PTPRD: variants seen among roughly 807,000 people sequenced by gnomAD.
PTPRD encodes the protein receptor-type tyrosine-protein phosphatase delta.
Under a neutral mutation model 214.5 loss-of-function variants are expected in PTPRD, and 34 were observed. The ratio of observed to expected loss-of-function variants is 0.16; its 90% CI spans 0.12 to 0.21. PTPRD has a LOEUF of 0.21. Among genes scored for constraint, PTPRD ranks in the 10% least tolerant of loss-of-function variants. The pLI is 1.00. For synonymous variants in PTPRD, 1,128 were observed against 845.7 expected, an observed-to-expected ratio of 1.33 and a Z score of -5.79; for missense variants, 2,545 against 2,398.7, an observed-to-expected ratio of 1.06 and a Z score of -1.27.
intron 11 of PTPRD, among the ~76,000 whole-genome samples, chr9:8,745,031 T>A (rs2092632259): frequency 1.3e-5 from 2 of 152,196 alleles, no homozygotes; most frequent in African/African-American, 4.8e-5. Context: ...TCTCTCACTC[T>A]GTACATATAT....
intron 7 of PTPRD, among the ~76,000 whole-genome samples, chr9:9,689,239 T>A (rs2097219637): frequency 6.6e-6 from 1 of 151,888 alleles, no homozygotes; most frequent in Non-Finnish European, 1.5e-5. Flanking sequence ...AGTAAAATAA[T>A]TCCACATAAG....
intron 3 of PTPRD, among the ~76,000 whole-genome samples, chr9:10,040,429 T>G (rs1291001184): frequency 6.6e-6 from 1 of 152,028 alleles, no homozygotes; most frequent in African/African-American, 2.4e-5. Flanking sequence ...GAATTCCAAT[T>G]ATACAGGCAG....
chr9:9,195,087 T>TAC (rs2099937603), intron 9 of PTPRD, among the ~76,000 whole-genome samples: 4 of 48,634 alleles, frequency 8.2e-5, no homozygotes, highest in African/African-American at 1.9e-4. Context: ...TGTGTTTGTG[T>TAC]ATATATATAT....
In PTPRD at chr9:8,449,706, G is replaced by A; in HGVS notation, c.3988+19C>T. ...TCTGGGAAAGACTGTGTGTGGATTAGATGTGTGATGCTTCTTACCCGGTGT... is the reference window on the plus strand; with the variant it reads ...TCTGGGAAAGACTGTGTGTGGATTAAATGTGTGATGCTTCTTACCCGGTGT... On this transcript the variant is annotated intron_variant, in intron 34 of 45. Transcript: ENST00000381196. The A allele has an allele frequency of 1.9e-6, 3 of 1,604,410 alleles. No homozygotes were observed. The highest frequency in any genetic ancestry group is 2.6e-6 in the Non-Finnish European group (3 of 1,171,298).
intron 2 of PTPRD, among the ~76,000 whole-genome samples, chr9:10,572,668 A>C (rs556468526): frequency 6.6e-6 from 1 of 152,310 alleles, no homozygotes; most frequent in East Asian, 1.9e-4. Context: ...AATAAGAAAT[A>C]AATCTTAGGA....
chr9:8,385,873 T>C (rs1481975839), intron 37 of PTPRD, among the ~76,000 whole-genome samples: 1 of 152,120 alleles, frequency 6.6e-6, no homozygotes, highest in Non-Finnish European at 1.5e-5. Flanking sequence ...AATGCATGGG[T>C]GTGCCACACT....
intron 3 of PTPRD, among the ~76,000 whole-genome samples, chr9:10,195,210 G>T (rs1359807558): frequency 6.6e-6 from 1 of 151,012 alleles, no homozygotes; most frequent in Non-Finnish European, 1.5e-5. Context: ...AATAAAAACG[G>T]AAGGGAATAT....
chr9:10,508,544 C>T (rs1442296038), intron 2 of PTPRD, among the ~76,000 whole-genome samples: 2 of 152,132 alleles, frequency 1.3e-5, no homozygotes, highest in African/African-American at 4.8e-5. Context: ...TTGGAACCAA[C>T]CCAAATGGCC....
chr9:9,209,424 T>C (rs2099947103), intron 9 of PTPRD, among the ~76,000 whole-genome samples: 1 of 152,202 alleles, frequency 6.6e-6, no homozygotes, highest in South Asian at 2.1e-4. Flanking sequence ...ACAAGTAATG[T>C]GTTAAAGACA....
chr9:9,465,676 G>C (rs752383859), intron 8 of PTPRD, among the ~76,000 whole-genome samples: 3 of 152,042 alleles, frequency 2.0e-5, no homozygotes, highest in Non-Finnish European at 4.4e-5. Context: ...AACCCAATGC[G>C]TTCTGGATCT....
At chr9:8,892,827 A>G (rs1228729344) in intron 11 of PTPRD, among the ~76,000 whole-genome samples, 2 of 151,918 alleles carry the variant, frequency 1.3e-5, no homozygotes, top group African/African-American at 4.8e-5. Flanking sequence ...CAAGTAGTGG[A>G]CATGCAAAGG....
Position 9,715,900 on chromosome 9 carries a change from T to C in PTPRD, c.-287+18633A>G, listed in dbSNP as rs565385370. On this transcript the variant is annotated intron_variant, in intron 7 of 45. Coordinates refer to ENST00000381196, the MANE Select transcript of PTPRD (RefSeq NM_002839.4). ...TAAGTTTTAGGGTACATGTGCACAA[T>C]GTGCAGGTTAGTTACGTATGTATAC... Among the ~76,000 whole-genome samples the C allele has an allele frequency of 2.0e-5, 3 of 152,286 alleles. No individual in the cohort carries two copies. The South Asian group carries it at 6.2e-4, about 32-fold the overall frequency.
chr9:10,402,430 A>G (rs2098284173), intron 2 of PTPRD, among the ~76,000 whole-genome samples: 1 of 151,784 alleles, frequency 6.6e-6, no homozygotes, highest in African/African-American at 2.4e-5. Flanking sequence ...TCTACTGAGC[A>G]TCAGATTATA....
intron 26 of PTPRD, among the ~76,000 whole-genome samples, chr9:8,493,622 T>C (rs763363744): frequency 2.2e-4 from 33 of 152,196 alleles, no homozygotes; most frequent in African/African-American, 5.5e-4. Context: ...GTTATTTGTA[T>C]AGGCTATGAG....
chr9:9,696,564 TG>T (rs2097377734), intron 7 of PTPRD, among the ~76,000 whole-genome samples: 1 of 152,170 alleles, frequency 6.6e-6, no homozygotes, highest in African/African-American at 2.4e-5. Flanking sequence ...TGTCCTCCTT[TG>T]CCTATTTTTG....
intron 11 of PTPRD, among the ~76,000 whole-genome samples, chr9:8,848,503 TA>T (rs1166421061): frequency 8.9e-4 from 68 of 76,374 alleles, no homozygotes; most frequent in Admixed American, 3.9e-3. Flanking sequence ...ATCTGGCAAA[TA>T]TTTTTTTTTT....
At chr9:9,642,727 A>T (rs189510554) in intron 7 of PTPRD, among the ~76,000 whole-genome samples, 1 of 152,194 alleles carries the variant, frequency 6.6e-6, no homozygotes, top group Non-Finnish European at 1.5e-5. Context: ...AATAGTAAGG[A>T]TCATATTTTA....
chr9:10,186,084 A>AAT (rs1204136085), intron 3 of PTPRD, among the ~76,000 whole-genome samples: 2 of 126,510 alleles, frequency 1.6e-5, no homozygotes, highest in East Asian at 5.9e-4. Flanking sequence ...AGAAATAAAC[A>AAT]ATATTTTTTT....
In PTPRD at chr9:9,874,600, T is replaced by A. The variant is rs147234902; in HGVS notation, c.-368+63907A>T. Among the ~76,000 whole-genome samples the A allele has an allele frequency of 3.3e-3, 502 of 152,314 alleles. 4 individuals carry two copies. Among genetic ancestry groups the A allele is most frequent in the African/African-American group, 0.011 (447 of 41,574 alleles). ...AGAAAATGAACTCAACTTACATCATTCTAATTCCTCGTTCTCTTTTATCTC... is the reference window on the plus strand; with the variant it reads ...AGAAAATGAACTCAACTTACATCATACTAATTCCTCGTTCTCTTTTATCTC... On this transcript the variant is annotated intron_variant, in intron 5 of 45. Transcript: ENST00000381196.
Sources: allele counts gnomAD v4.1 joint callset (sites outside exome capture counted in the v4.1 genomes callset), GRCh38; gene constraint gnomAD v4.1.1; transcripts MANE v1.5; gene names NCBI Gene and HGNC (gene_info 2026-07-23, HGNC 2026-07-21).